ADGRL2: variants seen among roughly 807,000 people sequenced by gnomAD.
ADGRL2 encodes the protein adhesion G protein-coupled receptor L2.
Under a neutral mutation model 157.4 loss-of-function variants are expected in ADGRL2, and 44 were observed. That is an observed-to-expected ratio of 0.28 (90% CI 0.22 to 0.36). The LOEUF is 0.36. Ranked by LOEUF, ADGRL2 falls within the 10% of genes least tolerant of loss-of-function variation. ADGRL2 has a pLI of 1.00. For missense variants in ADGRL2, 1,510 were observed against 1,768.9 expected, an observed-to-expected ratio of 0.85 and a Z score of 2.63; for synonymous variants, 585 against 624.7, an observed-to-expected ratio of 0.94 and a Z score of 0.95.
chr1:81,942,844 A>T (rs1162271239), intron 5 of ADGRL2, 125 bp from the exon 6 acceptor site: 4 of 749,746 alleles, frequency 5.3e-6, no homozygotes, highest in African/African-American at 5.2e-5. Flanking sequence ...TATGAAGTAT[A>T]CATTTTGGTA....
chr1:81,364,969 T>C (rs1180713364), intron 1 of ADGRL2, among the ~76,000 whole-genome samples: 1 of 152,098 alleles, frequency 6.6e-6, no homozygotes, highest in Non-Finnish European at 1.5e-5. Context: ...CAGCCGGTAA[T>C]TAATATTTTA....
intron 1 of ADGRL2, among the ~76,000 whole-genome samples, chr1:81,725,670 C>T (rs939122230): frequency 6.6e-6 from 1 of 152,138 alleles, no homozygotes; most frequent in African/African-American, 2.4e-5. Context: ...TTCTGGATTC[C>T]TTATCTGATT....
intron 2 of ADGRL2, among the ~76,000 whole-genome samples, chr1:81,872,542 C>G (rs2093725654): frequency 6.6e-6 from 1 of 152,070 alleles, no homozygotes; most frequent in Non-Finnish European, 1.5e-5. Flanking sequence ...GGTATTGTCA[C>G]TAGACAAATT....
chr1:81,311,343 T>C (rs1174172867), intron 1 of ADGRL2, among the ~76,000 whole-genome samples: 2 of 152,172 alleles, frequency 1.3e-5, no homozygotes, highest in Admixed American at 1.3e-4. Flanking sequence ...AGACCTCTTT[T>C]CTGTCTATTC....
At chr1:81,366,677 C>A (rs991276404) in intron 1 of ADGRL2, among the ~76,000 whole-genome samples, 5 of 152,146 alleles carry the variant, frequency 3.3e-5, no homozygotes, top group South Asian at 2.1e-4. Flanking sequence ...TTTAGCTAAT[C>A]TTCCTTTGAA....
At chr1:81,564,493 C>A (rs567567978) in intron 2 of ADGRL2, among the ~76,000 whole-genome samples, 1 of 152,206 alleles carries the variant, frequency 6.6e-6, no homozygotes, top group East Asian at 1.9e-4. Flanking sequence ...ATCTATTGGC[C>A]GGAGCCTCCC....
intron 3 of ADGRL2, among the ~76,000 whole-genome samples, chr1:81,607,110 C>A (rs1346282147): frequency 6.6e-6 from 1 of 151,990 alleles, no homozygotes; most frequent in Non-Finnish European, 1.5e-5. Flanking sequence ...GGTTATAATA[C>A]CCTGGACTCA....
chr1:81,919,403 C>G (rs934491181), intron 3 of ADGRL2, among the ~76,000 whole-genome samples: 5 of 151,984 alleles, frequency 3.3e-5, no homozygotes, highest in Admixed American at 3.3e-4. Context: ...CTCTCCTCCC[C>G]CTTCTTCTCC....
In ADGRL2 at chr1:81,861,895, A is replaced by T. The variant is rs2093401261; in HGVS notation, c.73+24838A>T. Among the ~76,000 whole-genome samples, 4 of 152,188 alleles carry T rather than the reference A, an allele frequency of 2.6e-5. No individual in the cohort carries two copies. The East Asian group carries it at 5.8e-4, about 22-fold the overall frequency. Reference sequence around the variant, plus strand: ...AAGACTCCATCTCAAAAGAAGAAAAAAAAAAAGAAACACATGAATTTGCTT... The same window carrying T: ...AAGACTCCATCTCAAAAGAAGAAAATAAAAAAGAAACACATGAATTTGCTT... On this transcript the variant is annotated intron_variant, in intron 2 of 23. Transcript: ENST00000686636.
chr1:81,597,699 A>T (rs1557493417), intron 3 of ADGRL2, among the ~76,000 whole-genome samples: 1 of 152,204 alleles, frequency 6.6e-6, no homozygotes, highest in Admixed American at 6.5e-5. Context: ...GGATAAACCC[A>T]TCTTAAGCTG....
chr1:81,425,344 C>A (rs1162241520), intron 1 of ADGRL2, among the ~76,000 whole-genome samples: 1 of 152,032 alleles, frequency 6.6e-6, no homozygotes, highest in East Asian at 1.9e-4. Context: ...TATTTGTGTA[C>A]CGTCTTGTAG....
intron 6 of ADGRL2, among the ~76,000 whole-genome samples, chr1:81,944,139 A>G (rs1648994946): frequency 1.3e-5 from 2 of 152,038 alleles, no homozygotes; most frequent in Non-Finnish European, 2.9e-5. Flanking sequence ...GTTAAAGGAA[A>G]CGTGTGTTAG....
intron 2 of ADGRL2, among the ~76,000 whole-genome samples, chr1:81,883,839 TTAAGA>T (rs2094051537): frequency 1.3e-5 from 2 of 152,300 alleles, no homozygotes; most frequent in Admixed American, 6.5e-5. Flanking sequence ...GTTTTAAAAG[TTAAGA>T]TATGTGGTAT....
chr1:81,910,273 ATAC>A (rs1217819195), intron 3 of ADGRL2, among the ~76,000 whole-genome samples: 49 of 147,788 alleles, frequency 3.3e-4, no homozygotes, highest in Admixed American at 4.8e-4. Flanking sequence ...AATAATAATA[ATAC>A]TACAATTGAG....
At chr1:81,708,994 G>A (rs191646456) in intron 1 of ADGRL2, among the ~76,000 whole-genome samples, 1 of 152,114 alleles carries the variant, frequency 6.6e-6, no homozygotes, top group Admixed American at 6.5e-5. Flanking sequence ...TCTGAATATG[G>A]TCTCACCATA....
rs140943502 is a variant in ADGRL2, at chr1:81,644,645, A to G, written c.-143+63665A>G. Among the ~76,000 whole-genome samples the G allele has an allele frequency of 4.9e-3, 741 of 152,334 alleles. 2 individuals carry two copies. The highest frequency in any genetic ancestry group is 8.7e-3 in the Non-Finnish European group (594 of 68,036). On this transcript the variant is annotated intron_variant, in intron 3 of 24. Coordinates refer to the ADGRL2 transcript ENST00000370721. ...TCCATGTCATATGTCATTATTATAC[A>G]TTCATTCAAACCCATAGAAGGTACA... is the stretch of plus-strand genomic sequence containing the variant.
intron 1 of ADGRL2, among the ~76,000 whole-genome samples, chr1:81,408,084 A>T (rs745774830): frequency 1.3e-5 from 2 of 152,216 alleles, no homozygotes. Context: ...TCAGGAGTTC[A>T]GATCTCATTT....
chr1:81,810,136 G>A (rs1174682250), intron 1 of ADGRL2, among the ~76,000 whole-genome samples: 3 of 151,880 alleles, frequency 2.0e-5, no homozygotes. Flanking sequence ...GAACAAAAGA[G>A]AATTCTGTTT....
At position 81,646,067 on chromosome 1, in the gene ADGRL2, C is replaced by T. The variant is rs146011100; in HGVS notation, c.-143+65087C>T. 4.9e-4 allele frequency among the ~76,000 whole-genome samples: 75 copies of T among 152,268 alleles called. 1 individual carries two copies. The highest frequency in any genetic ancestry group is 1.6e-3 in the African/African-American group (67 of 41,548). On this transcript the variant is annotated intron_variant, in intron 3 of 24. Coordinates refer to the ADGRL2 transcript ENST00000370721. ...ATATTTTTACTGATTCTTGTATGTACTAGATCTTCTCACTCATCGCAGTGT... is the reference window on the plus strand; with the variant it reads ...ATATTTTTACTGATTCTTGTATGTATTAGATCTTCTCACTCATCGCAGTGT...
Sources: allele counts gnomAD v4.1 joint callset (sites outside exome capture counted in the v4.1 genomes callset), GRCh38; gene constraint gnomAD v4.1.1; transcripts MANE v1.5; gene names NCBI Gene and HGNC (gene_info 2026-07-23, HGNC 2026-07-21).